PITPNC1: variants seen among roughly 807,000 people sequenced by gnomAD.
PITPNC1 encodes phosphatidylinositol transfer protein cytoplasmic 1, also known as cytoplasmic phosphatidylinositol transfer protein 1.
A neutral mutation model predicts 44.7 loss-of-function variants in PITPNC1; 18 were observed. That is an observed-to-expected ratio of 0.40 (90% CI 0.28 to 0.60). The LOEUF (loss-of-function observed/expected upper bound fraction) is 0.60. Among genes scored for constraint, PITPNC1 ranks in the 20% least tolerant of loss-of-function variants. The pLI is 0.39. For missense variants in PITPNC1, 290 were observed against 418.4 expected (o/e 0.69, Z 2.68); for synonymous variants, 141 against 149.6 (o/e 0.94, Z 0.42).
chr17:67,498,190 C>A (rs1368851224), intron 1 of PITPNC1, among the ~76,000 whole-genome samples: 2 of 152,116 alleles, frequency 1.3e-5, no homozygotes, highest in African/African-American at 4.8e-5. Context: ...GTTTATTATC[C>A]ATGTGTATAT....
chr17:67,413,414 T>TTTCTTTCTTTCTTTCTTTC (rs2038536901), intron 1 of PITPNC1, among the ~76,000 whole-genome samples: 1 of 151,570 alleles, frequency 6.6e-6, no homozygotes, highest in Non-Finnish European at 1.5e-5. Context: ...TCTTTCTTTC[T>TTTCTTTCTTTCTTTCTTTC]TTCTTTCTTT....
chr17:67,632,859 G>C (rs1327810051), intron 6 of PITPNC1, among the ~76,000 whole-genome samples: 1 of 152,026 alleles, frequency 6.6e-6, no homozygotes, highest in Non-Finnish European at 1.5e-5. Flanking sequence ...TGAGCCACCT[G>C]TGTTTTATTT....
chr17:67,526,992 T>C (rs2040399202), intron 1 of PITPNC1, among the ~76,000 whole-genome samples: 1 of 150,468 alleles, frequency 6.6e-6, no homozygotes, highest in Non-Finnish European at 1.5e-5. Flanking sequence ...TGGAACTGTC[T>C]CTAGTCATGA....
chr17:67,517,877 T>C (rs1411423469), intron 1 of PITPNC1, among the ~76,000 whole-genome samples: 1 of 152,194 alleles, frequency 6.6e-6, no homozygotes, highest in Non-Finnish European at 1.5e-5. Context: ...CCGAATTGCA[T>C]ATTTTTTTTA....
intron 4 of PITPNC1, among the ~76,000 whole-genome samples, chr17:67,556,154 G>A (rs1198288254): frequency 1.3e-5 from 2 of 152,148 alleles, no homozygotes; most frequent in East Asian, 3.9e-4. Flanking sequence ...ATGACTCTGG[G>A]GAATCCAACC....
intron 1 of PITPNC1, among the ~76,000 whole-genome samples, chr17:67,453,445 T>C (rs1215651080): frequency 6.6e-6 from 1 of 152,142 alleles, no homozygotes; most frequent in African/African-American, 2.4e-5. Context: ...GAGAACCAGC[T>C]GGGTTATTGG....
intron 7 of PITPNC1, among the ~76,000 whole-genome samples, chr17:67,672,092 C>A (rs1168799083): frequency 6.6e-6 from 1 of 151,910 alleles, no homozygotes; most frequent in African/African-American, 2.4e-5. Flanking sequence ...TGCCACCACA[C>A]CAGGCTAACT....
At chr17:67,468,932 T>C (rs2039472433) in intron 1 of PITPNC1, among the ~76,000 whole-genome samples, 1 of 152,166 alleles carries the variant, frequency 6.6e-6, no homozygotes, top group South Asian at 2.1e-4. Flanking sequence ...TTTCGCCATG[T>C]TGGCCAGGCT....
chr17:67,681,413 G>C (rs1193566401), intron 8 of PITPNC1, among the ~76,000 whole-genome samples: 1 of 151,900 alleles, frequency 6.6e-6, no homozygotes, highest in Non-Finnish European at 1.5e-5. Flanking sequence ...AGGAGTTTGA[G>C]ACCAGCCCTG....
At chr17:67,624,214 C>CTTTTTTTTTTTTTT (rs71139163) in intron 5 of PITPNC1, among the ~76,000 whole-genome samples, 10 of 127,112 alleles carry the variant, frequency 7.9e-5, no homozygotes, top group East Asian at 2.3e-4. Flanking sequence ...TCTTTCTTTT[C>CTTTTTTTTTTTTTT]TTTTTTTTTT....
intron 1 of PITPNC1, among the ~76,000 whole-genome samples, chr17:67,512,504 A>C (rs865908406): frequency 1.1e-4 from 15 of 140,142 alleles, no homozygotes; most frequent in Non-Finnish European, 3.3e-5. Flanking sequence ...GTGTCTCAAA[A>C]AAAAAAAAAA....
intron 1 of PITPNC1, chr17:67,408,729 C>CCTTCCTTCCTTT (rs1420868805): frequency 1.5e-5 from 2 of 131,398 alleles, no homozygotes; most frequent in Admixed American, 8.1e-5. Flanking sequence ...TTCCTTCCTT[C>CCTTCCTTCCTTT]CTTTCTTTCT....
At chr17:67,669,950 T>C (rs1200540377) in intron 7 of PITPNC1, among the ~76,000 whole-genome samples, 1 of 151,864 alleles carries the variant, frequency 6.6e-6, no homozygotes, top group Admixed American at 6.6e-5. Flanking sequence ...GGTGGGTGCC[T>C]GTAACCCAGC....
chr17:67,555,101 A>G (rs529867574), intron 4 of PITPNC1, among the ~76,000 whole-genome samples: 47 of 152,332 alleles, frequency 3.1e-4, no homozygotes, highest in African/African-American at 1.1e-3. Context: ...ATTTTATGGC[A>G]AAATGCAAAT....
At chr17:67,476,434 G>A (rs966194183) in intron 1 of PITPNC1, among the ~76,000 whole-genome samples, 6 of 151,612 alleles carry the variant, frequency 4.0e-5, no homozygotes, top group African/African-American at 1.5e-4. Context: ...TAATTCACCC[G>A]CCTTGGCCTC....
chr17:67,477,241 C>CTTTT (rs3052411), intron 1 of PITPNC1, among the ~76,000 whole-genome samples: 3 of 97,010 alleles, frequency 3.1e-5, no homozygotes, highest in Non-Finnish European at 5.9e-5. Context: ...ACACCCAGCT[C>CTTTT]TTTTTTTTTT....
chr17:67,579,795 C>T (rs1215372827), intron 5 of PITPNC1, among the ~76,000 whole-genome samples: 1 of 151,816 alleles, frequency 6.6e-6, no homozygotes, highest in Non-Finnish European at 1.5e-5. Context: ...AAAAAATTAG[C>T]CGGGCGTGGT....
intron 8 of PITPNC1, among the ~76,000 whole-genome samples, chr17:67,681,487 T>C (rs1328286283): frequency 6.6e-6 from 1 of 151,488 alleles, no homozygotes; most frequent in East Asian, 1.9e-4. Context: ...GGTGTGCCTG[T>C]AGTCCCAGCT....
chr17:67,578,126 GC>G, intron 4 of PITPNC1, 59 bp from the exon 5 acceptor site: 8 of 1,138,902 alleles, frequency 7.0e-6, no homozygotes, highest in Non-Finnish European at 1.1e-5. Context: ...CAGAAGCTCT[GC>G]TGAATATAGG....
Sources: gnomAD v4.1 joint callset for allele counts (sites outside exome capture counted in the v4.1 genomes callset) on GRCh38, gnomAD v4.1.1 for gene constraint, MANE v1.5 for transcripts, NCBI Gene and HGNC (gene_info 2026-07-23, HGNC 2026-07-21) for gene names.